ILKAP: variants seen among roughly 807,000 people sequenced by gnomAD.
ILKAP encodes the protein ILK associated serine/threonine phosphatase.
ILKAP carries 11 observed loss-of-function variants against 49.1 expected under a neutral mutation model. The observed-to-expected ratio is 0.22, with a 90% CI of 0.14 to 0.37. The LOEUF (loss-of-function observed/expected upper bound fraction) is 0.37. Ranked by LOEUF, ILKAP falls within the 10% of genes least tolerant of loss-of-function variation. The probability of loss-of-function intolerance (pLI) is 1.00; values close to 1 mark genes in which losing one functional copy is unlikely to be tolerated. For missense variants in ILKAP, 363 were observed against 510.8 expected (o/e 0.71, Z 2.79); for synonymous variants, 186 against 192.8 (o/e 0.96, Z 0.29).
Position 238,199,606 on chromosome 2 carries a change from T to C in ILKAP, c.55+3893A>G, listed in dbSNP as rs144671634. On this transcript the variant is annotated intron_variant, in intron 1 of 11. Transcript: ENST00000254654. ...TTCTTATACCCTTAGTAATGTATAT[T>C]GCAATTATTTTCTCGGTTTGTCTTT... Among the ~76,000 whole-genome samples the C allele has an allele frequency of 1.5e-4, 23 of 152,318 alleles. No individual in the cohort carries two copies. In the East Asian group the frequency reaches 4.0e-3, roughly 27 times the overall value.
chr2:238,183,277 C>G (rs1693771031), intron 8 of ILKAP, among the ~76,000 whole-genome samples: 1 of 152,132 alleles, frequency 6.6e-6, no homozygotes. Flanking sequence ...GGGGTTAAAG[C>G]TTTTCATTCA....
At chr2:238,199,042 C>T (rs1694462501) in intron 1 of ILKAP, among the ~76,000 whole-genome samples, 1 of 152,118 alleles carries the variant, frequency 6.6e-6, no homozygotes, top group South Asian at 2.1e-4. Flanking sequence ...CACATGGACT[C>T]ATGCATTTTA....
At chr2:238,173,115 C>G (rs1275480934) in intron 10 of ILKAP, among the ~76,000 whole-genome samples, 1 of 152,204 alleles carries the variant, frequency 6.6e-6, no homozygotes, top group Non-Finnish European at 1.5e-5. Context: ...AGGGCCGGCC[C>G]TTCAGGATCT....
chr2:238,189,790 T>A, intron 4 of ILKAP, 63 bp downstream of exon 4: 1 of 1,505,048 alleles, frequency 6.6e-7, no homozygotes, highest in Non-Finnish European at 9.1e-7. Flanking sequence ...CTGAAACTGG[T>A]TTTGCTCTGG....
intron 9 of ILKAP, among the ~76,000 whole-genome samples, chr2:238,178,758 A>T (rs1306568314): frequency 6.6e-6 from 1 of 151,992 alleles, no homozygotes; most frequent in Non-Finnish European, 1.5e-5. Flanking sequence ...TGGGCTTTTT[A>T]AAAAAATTTA....
At chr2:238,173,869 A>G in intron 9 of ILKAP, 1 of 583,996 alleles carries the variant, frequency 1.7e-6, no homozygotes, top group Non-Finnish European at 3.0e-6. Context: ...CCAGCTGCAC[A>G]TGGGTGGGAA....
intron 1 of ILKAP, among the ~76,000 whole-genome samples, chr2:238,202,995 T>C (rs1694634622): frequency 6.6e-6 from 1 of 152,042 alleles, no homozygotes; most frequent in Non-Finnish European, 1.5e-5. Flanking sequence ...TGGTGATTAA[T>C]TCAATCTCCA....
intron 3 of ILKAP, among the ~76,000 whole-genome samples, chr2:238,193,213 G>A (rs1694212853): frequency 6.6e-6 from 1 of 151,996 alleles, no homozygotes; most frequent in Non-Finnish European, 1.5e-5. Context: ...AGCCTTCTTT[G>A]AACATATTAA....
At chr2:238,180,043 T>TG (rs1215875228) in intron 9 of ILKAP, among the ~76,000 whole-genome samples, 1 of 152,026 alleles carries the variant, frequency 6.6e-6, no homozygotes, top group Non-Finnish European at 1.5e-5. Context: ...CAGTGGCACA[T>TG]GCCTGTGGTC....
chr2:238,197,618 A>T (rs1158844478), intron 1 of ILKAP, among the ~76,000 whole-genome samples: 1 of 152,222 alleles, frequency 6.6e-6, no homozygotes. Flanking sequence ...CTTACAGCTT[A>T]GTATTAATAC....
chr2:238,178,007 A>G (rs972834514), intron 9 of ILKAP, among the ~76,000 whole-genome samples: 1 of 152,192 alleles, frequency 6.6e-6, no homozygotes, highest in Non-Finnish European at 1.5e-5. Context: ...AATTGGATAA[A>G]CTGAAAACAA....
intron 5 of ILKAP, chr2:238,186,819 A>G (rs1693927206): frequency 6.6e-6 from 1 of 152,004 alleles, no homozygotes; most frequent in African/African-American, 2.4e-5. Context: ...GAGCCATGAG[A>G]AAAAAAACCT....
chr2:238,172,497 G>C (rs1693268157), intron 10 of ILKAP, among the ~76,000 whole-genome samples: 1 of 152,178 alleles, frequency 6.6e-6, no homozygotes, highest in Admixed American at 6.5e-5. Flanking sequence ...CAATCACACA[G>C]ACCCATGACT....
At chr2:238,181,111 A>C (rs1693674000) in intron 9 of ILKAP, among the ~76,000 whole-genome samples, 1 of 152,204 alleles carries the variant, frequency 6.6e-6, no homozygotes. Context: ...AAGGGTTCCA[A>C]CTACTCTCCA....
At chr2:238,191,818 T>A (rs1400658802) in intron 3 of ILKAP, among the ~76,000 whole-genome samples, 4 of 151,030 alleles carry the variant, frequency 2.6e-5, no homozygotes, top group African/African-American at 9.8e-5. Flanking sequence ...GGCACGAGAC[T>A]CACTGGAACC....
chr2:238,188,541 G>A (rs1693996949), intron 4 of ILKAP: 1 of 266,224 alleles, frequency 3.8e-6, no homozygotes, highest in African/African-American at 2.2e-5. Flanking sequence ...CAAAGCATCA[G>A]GGCAAGGGAT....
intron 8 of ILKAP, among the ~76,000 whole-genome samples, chr2:238,183,173 A>G (rs1368564051): frequency 6.6e-6 from 1 of 152,196 alleles, no homozygotes. Context: ...TCCCTCAGCC[A>G]GGGACCGGGC....
At chr2:238,175,780 CTTTT>C (rs755417260) in intron 9 of ILKAP, among the ~76,000 whole-genome samples, 3 of 152,276 alleles carry the variant, frequency 2.0e-5, no homozygotes, top group East Asian at 1.9e-4. Context: ...CACCGGAACT[CTTTT>C]TTGTTTTTAA....
intron 1 of ILKAP, among the ~76,000 whole-genome samples, chr2:238,198,262 A>G (rs1456908316): frequency 6.6e-6 from 1 of 152,020 alleles, no homozygotes; most frequent in Non-Finnish European, 1.5e-5. Context: ...AATTGAGACA[A>G]GAGTCTCGCT....
Sources: gnomAD v4.1 joint callset for allele counts (sites outside exome capture counted in the v4.1 genomes callset) on GRCh38, gnomAD v4.1.1 for gene constraint, MANE v1.5 for transcripts, NCBI Gene and HGNC (gene_info 2026-07-23, HGNC 2026-07-21) for gene names.